PRKCH: variants seen among roughly 807,000 people sequenced by gnomAD.
PRKCH encodes the protein protein kinase C eta, also known as protein kinase C eta type.
In PRKCH, 28 loss-of-function variants were observed where a neutral mutation model predicts 82.5. That is an observed-to-expected ratio of 0.34 (90% CI 0.25 to 0.47). The LOEUF (loss-of-function observed/expected upper bound fraction) is 0.47, where lower values mean the gene tolerates loss of function less well. Among genes scored for constraint, PRKCH ranks in the 20% least tolerant of loss-of-function variants. The pLI is 1.00. For missense variants in PRKCH, 705 were observed against 881.8 expected (o/e 0.80, Z 2.54); for synonymous variants, 322 against 327.4 (o/e 0.98, Z 0.18).
intron 1 of PRKCH, chr14:61,279,220 C>G (rs992645171): frequency 6.6e-6 from 1 of 152,196 alleles, no homozygotes; most frequent in South Asian, 2.1e-4. Flanking sequence ...TCAAATGAAT[C>G]ACATAAACCC....
rs376147211 is a variant in PRKCH, at chr14:61,250,012, C to T, written c.-19+62344C>T. On this transcript the variant is annotated intron_variant, in intron 1 of 3. Transcript: ENST00000555185. ...CGGCGGCTCATGCCTGTAATCCCAG[C>T]ACTTTGGGAGGCCGAGATGGGTGGA... 2.8e-4 allele frequency among the ~76,000 whole-genome samples: 43 copies of T among 151,030 alleles called. 1 individual carries two copies. Among genetic ancestry groups the T allele is most frequent in the Non-Finnish European group, 3.0e-5 (2 of 67,722 alleles).
intron 1 of PRKCH, among the ~76,000 whole-genome samples, chr14:61,282,685 C>T (rs913667365): frequency 3.3e-5 from 5 of 152,090 alleles, no homozygotes; most frequent in African/African-American, 4.8e-5. Context: ...TATCAAATTG[C>T]ATTCTACAAG....
intron 1 of PRKCH, among the ~76,000 whole-genome samples, chr14:61,237,595 A>G (rs1170642095): frequency 6.6e-6 from 1 of 152,162 alleles, no homozygotes; most frequent in African/African-American, 2.4e-5. Context: ...CTTAACCCAG[A>G]CGCTCCTTTC....
chr14:61,532,551 T>C (rs2043054231), intron 12 of PRKCH, among the ~76,000 whole-genome samples: 1 of 152,246 alleles, frequency 6.6e-6, no homozygotes, highest in South Asian at 2.1e-4. Flanking sequence ...CTTGAGAGAA[T>C]GCTTTCCAAC....
At chr14:61,475,393 TAGG>T (rs1451320993) in intron 9 of PRKCH, among the ~76,000 whole-genome samples, 1 of 152,260 alleles carries the variant, frequency 6.6e-6, no homozygotes, top group Non-Finnish European at 1.5e-5. Flanking sequence ...AGTTTTTGAC[TAGG>T]AGGTTTGTTC....
At chr14:61,482,509 T>G (rs1312789924) in intron 9 of PRKCH, among the ~76,000 whole-genome samples, 1 of 152,122 alleles carries the variant, frequency 6.6e-6, no homozygotes, top group East Asian at 1.9e-4. Context: ...CCTGGTGACG[T>G]TATTTGAGGT....
intron 10 of PRKCH, among the ~76,000 whole-genome samples, chr14:61,500,261 C>T (rs548915037): frequency 6.3e-4 from 95 of 151,898 alleles, no homozygotes; most frequent in Non-Finnish European, 1.1e-3. Flanking sequence ...TGGAGTGCAG[C>T]GGTGCAGCTC....
chr14:61,417,172 C>T (rs1424719263), intron 2 of PRKCH, among the ~76,000 whole-genome samples: 2 of 152,090 alleles, frequency 1.3e-5, no homozygotes, highest in Non-Finnish European at 2.9e-5. Context: ...TTTTAAAGTC[C>T]CTTTATTAAT....
rs772035727 is a variant in PRKCH, at chr14:61,322,508, G to GT, written c.363+46dup. The GT allele has an allele frequency of 2.0e-5, 31 of 1,556,668 alleles. No individual in the cohort carries two copies. The African/African-American group carries it at 4.2e-4, about 21-fold the overall frequency. On this transcript the variant is annotated intron_variant, in intron 1 of 13. Transcript: ENST00000332981. ...TTCCCTTTGTGTCCACCCAACCCCC[G>GT]TTCCCCTTATGTTTTTCAAAACTCA...
At chr14:61,505,203 G>T (rs1447946781) in intron 10 of PRKCH, among the ~76,000 whole-genome samples, 3 of 151,968 alleles carry the variant, frequency 2.0e-5, no homozygotes, top group Non-Finnish European at 4.4e-5. Context: ...CGATTGGGTG[G>T]CTTGTAAACA....
chr14:61,353,762 C>G (rs199542859), intron 1 of PRKCH: 1 of 151,896 alleles, frequency 6.6e-6, no homozygotes, highest in African/African-American at 2.4e-5. Context: ...AAGACCCCAT[C>G]GCTACAAAAA....
At chr14:61,355,165 T>C (rs955441640) in intron 1 of PRKCH, among the ~76,000 whole-genome samples, 8 of 152,234 alleles carry the variant, frequency 5.3e-5, no homozygotes, top group African/African-American at 1.9e-4. Flanking sequence ...CAGCAAGTCA[T>C]TTAATGTCTT....
intron 2 of PRKCH, among the ~76,000 whole-genome samples, chr14:61,425,971 G>A (rs1442995855): frequency 6.6e-6 from 1 of 152,188 alleles, no homozygotes. Context: ...CTGCTGCCAT[G>A]TAAGACATGC....
chr14:61,263,847 TTG>T (rs56280986), intron 1 of PRKCH, among the ~76,000 whole-genome samples: 4,798 of 144,084 alleles, frequency 0.033, 139 homozygotes, highest in Admixed American at 0.13. Flanking sequence ...AGTCAGAGTA[TTG>T]TGTGTGTGTG....
chr14:61,199,356 T>C (rs2044462305), intron 1 of PRKCH, among the ~76,000 whole-genome samples: 1 of 152,208 alleles, frequency 6.6e-6, no homozygotes, highest in South Asian at 2.1e-4. Context: ...ACTTCGCCCA[T>C]GGTTTCCCAG....
At chr14:61,417,617 T>G (rs1882629605) in intron 2 of PRKCH, among the ~76,000 whole-genome samples, 1 of 152,228 alleles carries the variant, frequency 6.6e-6, no homozygotes, top group Non-Finnish European at 1.5e-5. Flanking sequence ...TGTGCATATG[T>G]TAGGCTTATT....
chr14:61,218,874 G>A (rs11850740), intron 1 of PRKCH, among the ~76,000 whole-genome samples: 3,195 of 152,212 alleles, frequency 0.021, 109 homozygotes, highest in African/African-American at 0.072. Context: ...TTTTCCACAG[G>A]AGCATCAAGA....
chr14:61,321,714 C>CG lies in PRKCH; in HGVS notation c.-383dup, dbSNP rs144768155. ...GGGCAGGAGGAGAAGCAAGAGGAGG[C>CG]GGGGGAAGAGACGCTTGGGGCTGGG... On this transcript the variant is annotated 5_prime_UTR_variant, in exon 1 of 14. Transcript: ENST00000332981. The surrounding 1 kb of genome is among the most constrained non-coding windows in gnomAD (Gnocchi z 4.1). 7.4e-3 allele frequency: 1,192 copies of CG among 160,034 alleles called. 15 individuals are homozygous for CG. The highest frequency in any genetic ancestry group is 0.027 in the African/African-American group (1,128 of 41,576). 9.9% of individuals were successfully genotyped at this position (160,034 alleles called of 1,614,324 possible).
intron 1 of PRKCH, among the ~76,000 whole-genome samples, chr14:61,237,651 C>T (rs959478771): frequency 6.6e-6 from 1 of 152,216 alleles, no homozygotes; most frequent in East Asian, 1.9e-4. Context: ...AATCGTCAAT[C>T]GGAAAATCTT....
Sources: gnomAD v4.1 joint callset for allele counts (sites outside exome capture counted in the v4.1 genomes callset) on GRCh38, gnomAD v4.1.1 for gene constraint, Gnocchi (gnomAD v3.1) non-coding constraint, MANE v1.5 for transcripts, NCBI Gene and HGNC (gene_info 2026-07-23, HGNC 2026-07-21) for gene names.